AFDN: variants seen among roughly 807,000 people sequenced by gnomAD.
The protein encoded by AFDN is afadin.
AFDN carries 68 observed loss-of-function variants against 216.6 expected under a neutral mutation model. The ratio of observed to expected loss-of-function variants is 0.31; its 90% CI spans 0.26 to 0.38. The LOEUF is 0.38. Among genes scored for constraint, AFDN ranks in the 10% least tolerant of loss-of-function variants. AFDN has a pLI of 1.00. For missense variants in AFDN, 2,136 were observed against 2,342.0 expected (o/e 0.91, Z 1.82); for synonymous variants, 868 against 853.7 (o/e 1.02, Z -0.29).
chr6:167,856,582 A>G (rs995117022), intron 1 of AFDN, among the ~76,000 whole-genome samples: 17 of 152,154 alleles, frequency 1.1e-4, no homozygotes, highest in Non-Finnish European at 5.9e-5. Context: ...AGAAAGAACT[A>G]TAGGTCACTG....
At position 167,969,698 on chromosome 6, in the gene AFDN, A is replaced by G. The variant is rs556403942; in HGVS notation, c.5343-84A>G. 5.5e-5 allele frequency: 72 copies of G among 1,308,050 alleles called. 1 individual carries two copies. The African/African-American group carries it at 1.0e-3, about 18-fold the overall frequency. The allele number at this position is 1,308,050 out of a possible 1,614,324, so 81.0% of individuals were successfully genotyped here. A position where few individuals can be genotyped will look rare whatever the true frequency, so the allele number is the denominator to read the frequency against. On this transcript the variant is annotated intron_variant, in intron 33 of 33. Transcript: ENST00000683244. ...TAACAAAGAATGAGTGAAAATTTTA[A>G]TCGCCCATTTTGCAAACGTGTGTAA...
At chr6:167,836,740 TATG>T (rs1312794720) in intron 1 of AFDN, among the ~76,000 whole-genome samples, 1 of 152,216 alleles carries the variant, frequency 6.6e-6, no homozygotes, top group East Asian at 1.9e-4. Flanking sequence ...ACTAAACTAT[TATG>T]ATGGTACACA....
In AFDN at chr6:167,864,733, G is replaced by T. The variant is rs775910450; in HGVS notation, c.288G>T (p.Val96=). The stretch of plus-strand genomic sequence containing the variant: ...CTCCCAAGTATTCACTCTATGAAGT[G>T]CATGTCAGCGGAGGTCAGTGTATAC... ...LSSPKYSLYE[V]HVSGERRLDI... Residue 96 remains valine (V), a synonymous_variant, in exon 2 of 34, where the codon GTG becomes GTT. Coordinates refer to ENST00000683244, the MANE Select transcript of AFDN (RefSeq NM_001386888.1). 2 of 1,614,096 alleles carry T rather than the reference G, an allele frequency of 1.2e-6. No individual in the cohort carries two copies. Among genetic ancestry groups the T allele is most frequent in the South Asian group, 2.2e-5 (2 of 91,054 alleles).
chr6:167,922,340 G>T (rs1791932086), intron 21 of AFDN, among the ~76,000 whole-genome samples: 1 of 152,190 alleles, frequency 6.6e-6, no homozygotes, highest in African/African-American at 2.4e-5. Flanking sequence ...GACCTTAAAA[G>T]TAAATTTGGA....
intron 5 of AFDN, among the ~76,000 whole-genome samples, chr6:167,876,119 A>C (rs1317570572): frequency 6.6e-6 from 1 of 152,188 alleles, no homozygotes; most frequent in Non-Finnish European, 1.5e-5. Flanking sequence ...CATCCATCGC[A>C]GACACTGCTC....
rs1243181010 is a variant in AFDN at position 167,898,185 on chromosome 6, TGGTTTCCTTC to T, written c.1318-12_1318-3del. On this transcript the variant is annotated splice_polypyrimidine_tract_variant and intron_variant, in intron 10 of 33. Transcript: ENST00000683244. ...GTGAACTTCATGATGGGAGTTTCTT[TGGTTTCCTTC>T]GGTTTCCAGTTGTTTGGCCCAGGAA... 5.0e-6 allele frequency: 8 copies of T among 1,610,802 alleles called. No homozygotes were observed. Among genetic ancestry groups the T allele is most frequent in the Non-Finnish European group, 6.8e-6 (8 of 1,177,786 alleles).
chr6:167,942,748 G>A (rs558553911), intron 23 of AFDN, among the ~76,000 whole-genome samples: 10 of 152,154 alleles, frequency 6.6e-5, no homozygotes, highest in African/African-American at 1.4e-4. Flanking sequence ...TAAACTATAC[G>A]TATGAAAAGA....
At chr6:167,828,442 C>T (rs1008973232) in intron 1 of AFDN, among the ~76,000 whole-genome samples, 1 of 152,190 alleles carries the variant, frequency 6.6e-6, no homozygotes, top group African/African-American at 2.4e-5. Context: ...ACGTGGGTAG[C>T]TAGCCATTTG....
At chr6:167,866,699 T>C (rs1300612132) in intron 2 of AFDN, among the ~76,000 whole-genome samples, 1 of 152,246 alleles carries the variant, frequency 6.6e-6, no homozygotes, top group Non-Finnish European at 1.5e-5. Flanking sequence ...CAGAGAGTAC[T>C]GCTTGTTTAT....
chr6:167,948,589 T>A lies in AFDN; in HGVS notation c.3831+111T>A, dbSNP rs1795611203. On this transcript the variant is annotated intron_variant, in intron 29 of 33. Transcript: ENST00000683244. ...AACAGCATTGTTGGCCTTTTGTTTT[T>A]CCTTTAATGGTTTTGTGGTTAAGTT... 7 of 1,045,616 alleles carry A rather than the reference T, an allele frequency of 6.7e-6. No individual in the cohort carries two copies. The East Asian group carries it at 1.9e-4, about 28-fold the overall frequency. 64.8% of individuals were successfully genotyped at this position (1,045,616 alleles called of 1,614,324 possible).
At chr6:167,937,666 T>C (rs1403811403) in intron 23 of AFDN, among the ~76,000 whole-genome samples, 1 of 152,262 alleles carries the variant, frequency 6.6e-6, no homozygotes, top group East Asian at 1.9e-4. Context: ...TCTGAATATA[T>C]AAGAAAATAG....
At chr6:167,845,343 G>T (rs1479245573) in intron 1 of AFDN, among the ~76,000 whole-genome samples, 2 of 151,904 alleles carry the variant, frequency 1.3e-5, no homozygotes, top group African/African-American at 4.8e-5. Flanking sequence ...TTGGTCTTCT[G>T]ATTTTATGGT....
At chr6:167,869,543 T>TGTG (rs1321590772) in intron 2 of AFDN, among the ~76,000 whole-genome samples, 2 of 152,170 alleles carry the variant, frequency 1.3e-5, no homozygotes, top group Non-Finnish European at 2.9e-5. Context: ...CTGAGTTGTG[T>TGTG]GTGGGGCTTG....
rs577890351 is a variant in AFDN at position 167,889,694 on chromosome 6, G to A, written c.1009+368G>A. On this transcript the variant is annotated intron_variant, in intron 7 of 33. Coordinates refer to ENST00000683244, the MANE Select transcript of AFDN (RefSeq NM_001386888.1). ...TTCATTAACTTGCTTGATGATTCCT[G>A]AGTGTTGCCGTTGTCCCTAAGACCA... Among the ~76,000 whole-genome samples, 5 of 152,324 alleles carry A rather than the reference G, an allele frequency of 3.3e-5. No individual in the cohort carries two copies. The East Asian group carries it at 9.6e-4, about 29-fold the overall frequency.
intron 20 of AFDN, 42 bp downstream of exon 20, chr6:167,917,274 T>G: frequency 7.0e-7 from 1 of 1,438,642 alleles, no homozygotes; most frequent in Non-Finnish European, 9.1e-7. Flanking sequence ...GCGGGACATG[T>G]TTGCATGGGG....
chr6:167,952,521 C>T (rs989027471), intron 30 of AFDN: 1 of 985,174 alleles, frequency 1.0e-6, no homozygotes, highest in African/African-American at 1.7e-5. Flanking sequence ...TAATCTTGAT[C>T]CAGGGTAGGC....
At chr6:167,836,374 G>C (rs576978513) in intron 1 of AFDN, among the ~76,000 whole-genome samples, 1 of 152,092 alleles carries the variant, frequency 6.6e-6, no homozygotes, top group African/African-American at 2.4e-5. Flanking sequence ...GCCAACCATC[G>C]GCTGTGTAAA....
At chr6:167,963,665 C>A in intron 31 of AFDN, 12 of 1,060,468 alleles carry the variant, frequency 1.1e-5, no homozygotes, top group Non-Finnish European at 1.3e-5. Context: ...AGACCTTTGC[C>A]CTCTAAGTTT....
chr6:167,857,923 C>T (rs529809209), intron 1 of AFDN, among the ~76,000 whole-genome samples: 1 of 152,054 alleles, frequency 6.6e-6, no homozygotes, highest in African/African-American at 2.4e-5. Context: ...TACATGTGTA[C>T]GAATATAGTA....
Sources: allele counts gnomAD v4.1 joint callset (sites outside exome capture counted in the v4.1 genomes callset), GRCh38; gene constraint gnomAD v4.1.1; transcripts MANE v1.5; gene names NCBI Gene and HGNC (gene_info 2026-07-23, HGNC 2026-07-21).